NKAIN3: variants seen among roughly 807,000 people sequenced by gnomAD.
NKAIN3 encodes sodium/potassium transporting ATPase interacting 3, also known as sodium/potassium-transporting ATPase subunit beta-1-interacting protein 3.
Under a neutral mutation model 30.2 loss-of-function variants are expected in NKAIN3, and 25 were observed. The ratio of observed to expected loss-of-function variants is 0.83; its 90% confidence interval spans 0.60 to 1.16. The LOEUF is 1.16. Ranked by LOEUF, NKAIN3 falls within the 50% of genes most tolerant of loss-of-function variation. The pLI is 0.00. For synonymous variants in NKAIN3, 91 were observed against 89.6 expected, an observed-to-expected ratio of 1.02 and a Z score of -0.09; for missense variants, 225 against 254.1, an observed-to-expected ratio of 0.89 and a Z score of 0.78.
chr8:62,541,485 G>A (rs1420135506), intron 1 of NKAIN3, among the ~76,000 whole-genome samples: 1 of 152,106 alleles, frequency 6.6e-6, no homozygotes, highest in African/African-American at 2.4e-5. Flanking sequence ...GCTTTTTGGA[G>A]TAATTTTCAT....
chr8:62,616,761 C>G (rs1309382173), intron 3 of NKAIN3, among the ~76,000 whole-genome samples: 2 of 152,128 alleles, frequency 1.3e-5, no homozygotes, highest in African/African-American at 4.8e-5. Flanking sequence ...GTGGTTTCTT[C>G]CTTTAGCAAC....
chr8:62,799,510 T>G lies in NKAIN3; in HGVS notation c.471+52381T>G, dbSNP rs1319009162. Among the ~76,000 whole-genome samples the G allele has an allele frequency of 5.3e-5, 8 of 152,150 alleles. No homozygotes were observed. The East Asian group carries it at 1.5e-3, about 29-fold the overall frequency. ...CCACAATGTGATACCACCTAACTCC[T>G]GCAAGAATGGACATAATCAAAAAAT... On this transcript the variant is annotated intron_variant, in intron 4 of 6. Transcript: ENST00000623646.
chr8:62,918,550 T>A (rs747696404), intron 5 of NKAIN3, 37 bp downstream of exon 5: 5 of 1,381,574 alleles, frequency 3.6e-6, no homozygotes, highest in Middle Eastern at 1.8e-4. Flanking sequence ...GGGTTCCTTT[T>A]GAATGAGATA....
intron 4 of NKAIN3, among the ~76,000 whole-genome samples, chr8:62,803,607 T>C (rs2130699210): frequency 6.6e-6 from 1 of 151,966 alleles, no homozygotes; most frequent in African/African-American, 2.4e-5. Flanking sequence ...TGGGACACAT[T>C]CAAAGCAGTG....
chr8:62,686,553 T>C (rs75134463), intron 3 of NKAIN3, among the ~76,000 whole-genome samples: 2,899 of 152,226 alleles, frequency 0.019, 87 homozygotes, highest in African/African-American at 0.065. Context: ...AGGGTGTAAT[T>C]TAATATAAGA....
intron 4 of NKAIN3, among the ~76,000 whole-genome samples, chr8:62,830,996 C>T (rs1051864744): frequency 1.3e-5 from 2 of 152,124 alleles, no homozygotes; most frequent in African/African-American, 4.8e-5. Context: ...ACGTATCAGC[C>T]CATTGCTTGA....
At chr8:62,284,655 T>A (rs774892567) in intron 1 of NKAIN3, among the ~76,000 whole-genome samples, 6 of 151,412 alleles carry the variant, frequency 4.0e-5, no homozygotes, top group Non-Finnish European at 8.8e-5. Context: ...ATAAATAAAA[T>A]AAATGTAGAC....
intron 4 of NKAIN3, among the ~76,000 whole-genome samples, chr8:62,763,208 C>A (rs571290639): frequency 4.8e-5 from 5 of 103,858 alleles, no homozygotes; most frequent in Non-Finnish European, 9.1e-5. Context: ...GCAACAAGTG[C>A]GAGACTCCGT....
chr8:62,706,214 C>A (rs879905797), intron 3 of NKAIN3, among the ~76,000 whole-genome samples: 2 of 152,208 alleles, frequency 1.3e-5, no homozygotes, highest in South Asian at 2.1e-4. Context: ...CAGTATGCAT[C>A]TGATGATGAA....
At chr8:62,255,048 C>T (rs935660568) in intron 1 of NKAIN3, among the ~76,000 whole-genome samples, 1 of 152,116 alleles carries the variant, frequency 6.6e-6, no homozygotes. Flanking sequence ...AGTCCTAACT[C>T]CCCATACCTC....
rs1229790106 is a variant in NKAIN3 at position 62,975,952 on chromosome 8, T to C, written c.*10545T>C. Among the ~76,000 whole-genome samples the C allele has an allele frequency of 6.6e-6, 1 of 152,236 alleles. No individual in the cohort carries two copies. Among genetic ancestry groups the C allele is most frequent in the Non-Finnish European group, 1.5e-5 (1 of 68,034 alleles). ...GATCTCATTATTTTCCCAGGAGTCA[T>C]TCAGAAGCAGGTTGTTCAGTTTCCA... On this transcript the variant is annotated 3_prime_UTR_variant, in exon 7 of 7. Coordinates refer to ENST00000623646, the MANE Select transcript of NKAIN3 (RefSeq NM_001304533.3).
Position 62,579,619 on chromosome 8 carries a change from A to G in NKAIN3, c.135A>G (p.Ile45Met), listed in dbSNP as rs752922924. 1.2e-6 allele frequency: 2 copies of G among 1,609,098 alleles called. No individual in the cohort carries two copies. The highest frequency in any genetic ancestry group is 1.7e-6 in the Non-Finnish European group (2 of 1,176,360). The change falls in exon 2 of 7, where the codon ATA (isoleucine) becomes ATG (methionine). Residue 45 changes from isoleucine (I) to methionine (M), a missense_variant. Coordinates refer to ENST00000623646, the MANE Select transcript of NKAIN3 (RefSeq NM_001304533.3). Reference protein sequence around the residue: ...APILGNFLHIIVVILGLFGTI... With the variant: ...APILGNFLHIMVVILGLFGTI... ...TTCTTGGAAATTTTCTACACATAAT[A>G]GTTGTCATATTGGGTTTGTTTGGGA...
intron 1 of NKAIN3, among the ~76,000 whole-genome samples, chr8:62,538,131 A>C (rs1315566497): frequency 1.3e-5 from 2 of 151,994 alleles, no homozygotes; most frequent in African/African-American, 4.8e-5. Flanking sequence ...ATCTCTATAC[A>C]AGTACTTTGG....
At chr8:62,822,173 A>G (rs1818867495) in intron 4 of NKAIN3, among the ~76,000 whole-genome samples, 1 of 152,126 alleles carries the variant, frequency 6.6e-6, no homozygotes, top group African/African-American at 2.4e-5. Context: ...GCACCAACTG[A>G]CCTATAGTGA....
intron 1 of NKAIN3, among the ~76,000 whole-genome samples, chr8:62,345,614 T>C (rs1815969502): frequency 7.0e-6 from 1 of 143,672 alleles, no homozygotes; most frequent in African/African-American, 2.7e-5. Context: ...TATATGTATA[T>C]ACACACATAT....
intron 6 of NKAIN3, among the ~76,000 whole-genome samples, chr8:62,961,188 G>A (rs1438943322): frequency 6.6e-6 from 1 of 152,046 alleles, no homozygotes; most frequent in African/African-American, 2.4e-5. Context: ...GGCTGAGGCA[G>A]GAGAACCACT....
intron 3 of NKAIN3, among the ~76,000 whole-genome samples, chr8:62,685,447 T>G (rs1813770354): frequency 6.6e-6 from 1 of 152,188 alleles, no homozygotes; most frequent in African/African-American, 2.4e-5. Context: ...TAAGCTATAA[T>G]TTTTTACTTC....
intron 1 of NKAIN3, among the ~76,000 whole-genome samples, chr8:62,488,728 A>G (rs1280767573): frequency 6.6e-6 from 1 of 152,224 alleles, no homozygotes; most frequent in East Asian, 1.9e-4. Context: ...ATAGGCTGCT[A>G]CTAATAGAAA....
At chr8:62,459,059 G>A (rs1206843506) in intron 1 of NKAIN3, among the ~76,000 whole-genome samples, 89 of 143,804 alleles carry the variant, frequency 6.2e-4, no homozygotes, top group Non-Finnish European at 5.0e-4. Context: ...TGTTGTCAGA[G>A]AAAAAAAAAA....
Sources: allele counts gnomAD v4.1 joint callset (sites outside exome capture counted in the v4.1 genomes callset), GRCh38; gene constraint gnomAD v4.1.1; transcripts MANE v1.5; gene names NCBI Gene and HGNC (gene_info 2026-07-23, HGNC 2026-07-21).